Variants in ZNF618 observed in about 807,000 individuals in gnomAD.
ZNF618 encodes the protein neural precursor cell expressed, developmentally down-regulated 10.
Under a neutral mutation model 103.0 loss-of-function variants are expected in ZNF618, and 34 were observed. The observed-to-expected ratio is 0.33, with a 90% confidence interval of 0.25 to 0.44. ZNF618 has a LOEUF of 0.44. ZNF618 is among the 20% of genes least tolerant of loss of function. The pLI, the probability that ZNF618 is intolerant of heterozygous loss-of-function variation, is 1.00. For synonymous variants in ZNF618, 551 were observed against 542.2 expected, an observed-to-expected ratio of 1.02 and a Z score of -0.23; for missense variants, 1,059 against 1,295.4, an observed-to-expected ratio of 0.82 and a Z score of 2.80.
intron 1 of ZNF618, among the ~76,000 whole-genome samples, chr9:113,883,982 GC>G (rs558766678): frequency 1.0e-3 from 31 of 29,708 alleles, no homozygotes; most frequent in Non-Finnish European, 1.0e-3. Flanking sequence ...TCTGGGCTTG[GC>G]CCCCCCCCCC....
intron 9 of ZNF618, among the ~76,000 whole-genome samples, chr9:114,015,557 G>A (rs1157005903): frequency 6.6e-6 from 1 of 152,064 alleles, no homozygotes; most frequent in Admixed American, 6.6e-5. Flanking sequence ...ATTATCAAAG[G>A]CCTTAAAAAT....
In ZNF618 at chr9:114,051,949, T is replaced by C. The variant is rs1467084457; in HGVS notation, c.*1782T>C. ...GACCCTTAGCCGTGGGATGGGGTGG[T>C]TACACTAAGGCTTCAAGCTGAGAAT... On this transcript the variant is annotated 3_prime_UTR_variant, in exon 15 of 15. Coordinates refer to ENST00000374126, the MANE Select transcript of ZNF618 (RefSeq NM_001318042.2). 6.6e-6 allele frequency: 1 copy of C among 152,298 alleles called. No individual in the cohort carries two copies. The highest frequency in any genetic ancestry group is 1.5e-5 in the Non-Finnish European group (1 of 68,018). 9.4% of individuals were successfully genotyped at this position (152,298 alleles called of 1,614,324 possible).
chr9:113,960,835 G>A (rs1021347177), intron 1 of ZNF618, among the ~76,000 whole-genome samples: 1 of 152,200 alleles, frequency 6.6e-6, no homozygotes, highest in Non-Finnish European at 1.5e-5. Context: ...CCCCTTCAGA[G>A]CTGGAAGCTA....
intron 1 of ZNF618, among the ~76,000 whole-genome samples, chr9:113,952,742 G>A (rs1835894564): frequency 6.6e-6 from 1 of 152,210 alleles, no homozygotes; most frequent in Non-Finnish European, 1.5e-5. Context: ...ACAGTAGTAT[G>A]TTCTACCACA....
chr9:113,950,086 C>T (rs1456577925), intron 1 of ZNF618, among the ~76,000 whole-genome samples: 1 of 152,172 alleles, frequency 6.6e-6, no homozygotes, highest in East Asian at 1.9e-4. Flanking sequence ...CTAATTGTAA[C>T]TGGTTTAGAG....
At chr9:113,894,709 T>C (rs555471830) in intron 1 of ZNF618, among the ~76,000 whole-genome samples, 1 of 152,324 alleles carries the variant, frequency 6.6e-6, no homozygotes, top group South Asian at 2.1e-4. Flanking sequence ...TTTGATATTT[T>C]TGACCGCAGT....
intron 11 of ZNF618, 130 bp downstream of exon 11, chr9:114,029,102 A>C: frequency 2.3e-6 from 3 of 1,323,370 alleles, no homozygotes; most frequent in Non-Finnish European, 3.0e-6. Context: ...TCTGGGACAA[A>C]TCTGAGTCCC....
chr9:113,927,085 AC>A (rs1833168522), intron 1 of ZNF618, among the ~76,000 whole-genome samples: 1 of 152,204 alleles, frequency 6.6e-6, no homozygotes, highest in Non-Finnish European at 1.5e-5. Context: ...GATGCCTCTT[AC>A]TGTAGCTGTT....
At chr9:113,965,841 A>G (rs959039243) in intron 1 of ZNF618, among the ~76,000 whole-genome samples, 12 of 152,184 alleles carry the variant, frequency 7.9e-5, no homozygotes, top group Non-Finnish European at 1.5e-4. Context: ...CTGAGTAATG[A>G]CTATGTATAC....
intron 3 of ZNF618, among the ~76,000 whole-genome samples, chr9:113,989,438 C>T (rs1188321236): frequency 2.0e-5 from 3 of 152,206 alleles, no homozygotes; most frequent in Admixed American, 1.3e-4. Context: ...CCAAACAAAA[C>T]ATGTCTGTGG....
At chr9:113,885,797 C>T (rs1409791466) in intron 1 of ZNF618, among the ~76,000 whole-genome samples, 3 of 151,956 alleles carry the variant, frequency 2.0e-5, no homozygotes, top group African/African-American at 7.3e-5. Flanking sequence ...AACATGTTGG[C>T]GACAACTCCT....
chr9:113,926,273 A>G lies in ZNF618; in HGVS notation c.34-42844A>G, dbSNP rs562913801. 1.4e-3 allele frequency among the ~76,000 whole-genome samples: 212 copies of G among 148,764 alleles called. 2 individuals carry two copies. Among genetic ancestry groups the G allele is most frequent in the African/African-American group, 5.1e-3 (208 of 40,580 alleles). ...TCTTCTTATAAGTAAGGTTTTTTGGACCCCTTTTGCAAAAATATTTCAATA... is the reference window on the plus strand; with the variant it reads ...TCTTCTTATAAGTAAGGTTTTTTGGGCCCCTTTTGCAAAAATATTTCAATA... On this transcript the variant is annotated intron_variant, in intron 1 of 14. Transcript: ENST00000374126.
At chr9:114,028,613 G>A in intron 10 of ZNF618, 120 bp from the exon 11 acceptor site, 2 of 1,333,194 alleles carry the variant, frequency 1.5e-6, no homozygotes, top group Non-Finnish European at 1.0e-6. Flanking sequence ...GTTCTCTGTG[G>A]CACAAGAAGA....
chr9:114,043,635 A>T (rs748168877), intron 13 of ZNF618, among the ~76,000 whole-genome samples: 7 of 152,206 alleles, frequency 4.6e-5, no homozygotes, highest in Non-Finnish European at 1.0e-4. Context: ...GCTGTTTTCC[A>T]TAGTGGTTGT....
intron 1 of ZNF618, among the ~76,000 whole-genome samples, chr9:113,960,890 A>G (rs957225762): frequency 6.6e-6 from 1 of 152,236 alleles, no homozygotes; most frequent in Non-Finnish European, 1.5e-5. Context: ...GGGTCTAGTC[A>G]GGAACTCCTT....
intron 3 of ZNF618, among the ~76,000 whole-genome samples, chr9:113,996,458 C>T (rs1057445321): frequency 2.0e-5 from 3 of 152,184 alleles, no homozygotes; most frequent in South Asian, 2.1e-4. Context: ...GTTGCTACCC[C>T]ACATTCTTTC....
chr9:113,894,162 C>T (rs1236817929), intron 1 of ZNF618, among the ~76,000 whole-genome samples: 2 of 152,036 alleles, frequency 1.3e-5, no homozygotes, highest in Non-Finnish European at 2.9e-5. Context: ...CTCTAATAAC[C>T]AGTTTTTCTG....
intron 1 of ZNF618, among the ~76,000 whole-genome samples, chr9:113,909,078 C>T (rs564237482): frequency 2.2e-4 from 34 of 151,938 alleles, no homozygotes; most frequent in African/African-American, 2.9e-4. Flanking sequence ...GTCTGGGGTT[C>T]GAGGCGCAGC....
At chr9:113,959,321 A>G (rs1318863932) in intron 1 of ZNF618, among the ~76,000 whole-genome samples, 2 of 152,252 alleles carry the variant, frequency 1.3e-5, no homozygotes, top group African/African-American at 2.4e-5. Flanking sequence ...AATAAAAACA[A>G]CACCTCACTG....
Sources: allele counts gnomAD v4.1 joint callset (sites outside exome capture counted in the v4.1 genomes callset), GRCh38; gene constraint gnomAD v4.1.1; transcripts MANE v1.5; gene names NCBI Gene and HGNC (gene_info 2026-07-23, HGNC 2026-07-21).